RAP1GDS1: variants seen among roughly 807,000 people sequenced by gnomAD.
RAP1GDS1 encodes the protein RAP1, GTP-GDP dissociation stimulator 1.
Under a neutral mutation model 71.1 loss-of-function variants are expected in RAP1GDS1, and 35 were observed. The observed-to-expected ratio is 0.49, with a 90% CI of 0.38 to 0.65. RAP1GDS1 has a LOEUF of 0.65. Ranked by LOEUF, RAP1GDS1 falls within the 30% of genes least tolerant of loss-of-function variation. RAP1GDS1 has a pLI of 0.00. For synonymous variants in RAP1GDS1, 229 were observed against 243.1 expected, an observed-to-expected ratio of 0.94 and a Z score of 0.54; for missense variants, 663 against 706.1, an observed-to-expected ratio of 0.94 and a Z score of 0.69.
chr4:98,269,415 A>G (rs1016837576), intron 1 of RAP1GDS1, among the ~76,000 whole-genome samples: 1 of 152,154 alleles, frequency 6.6e-6, no homozygotes, highest in Non-Finnish European at 1.5e-5. Context: ...TGGTGTTGGC[A>G]ATGATTTTTT....
intron 2 of RAP1GDS1, 52 bp downstream of exon 2, chr4:98,293,567 G>A: frequency 2.2e-6 from 3 of 1,356,816 alleles, no homozygotes; most frequent in Non-Finnish European, 2.1e-6. Context: ...CAAATCAGTA[G>A]TCATTCAGAA....
intron 2 of RAP1GDS1, among the ~76,000 whole-genome samples, chr4:98,318,343 T>C (rs192885544): frequency 6.6e-6 from 1 of 152,288 alleles, no homozygotes; most frequent in Non-Finnish European, 1.5e-5. Context: ...GTATACAATG[T>C]TTTTTCCGGT....
intron 4 of RAP1GDS1, among the ~76,000 whole-genome samples, chr4:98,366,799 G>A (rs916419555): frequency 6.6e-6 from 1 of 152,122 alleles, no homozygotes; most frequent in Admixed American, 6.5e-5. Context: ...GATGATTTAA[G>A]GTATCTGGCA....
intron 2 of RAP1GDS1, among the ~76,000 whole-genome samples, chr4:98,299,470 C>G (rs1728260077): frequency 6.6e-6 from 1 of 152,020 alleles, no homozygotes; most frequent in Non-Finnish European, 1.5e-5. Flanking sequence ...TAGTTCAAAA[C>G]CAGTGGATGA....
At chr4:98,351,255 CAG>C (rs1553983944) in intron 3 of RAP1GDS1, among the ~76,000 whole-genome samples, 1 of 152,050 alleles carries the variant, frequency 6.6e-6, no homozygotes, top group East Asian at 1.9e-4. Flanking sequence ...GTTTACATTA[CAG>C]GGGATTTTTA....
At chr4:98,314,591 C>T (rs1325671520) in intron 2 of RAP1GDS1, among the ~76,000 whole-genome samples, 1 of 152,006 alleles carries the variant, frequency 6.6e-6, no homozygotes, top group Non-Finnish European at 1.5e-5. Context: ...TTCATTTATT[C>T]TGTTATAACT....
rs556945198 is a variant in RAP1GDS1 at position 98,313,068 on chromosome 4, CAAAAAAAAAAAAAA to C, written c.112+19569_112+19582del. Among the ~76,000 whole-genome samples the C allele has an allele frequency of 2.1e-4, 8 of 38,184 alleles. 1 individual carries two copies. The highest frequency in any genetic ancestry group is 4.8e-4 in the African/African-American group (6 of 12,546). The allele number at this position is 38,184 out of a possible 152,430, so 25.1% of individuals were successfully genotyped here. On this transcript the variant is annotated intron_variant, in intron 2 of 14. Transcript: ENST00000408927. Reference sequence around the variant, plus strand: ...TGGGTGACAGAGCAAGACTCTGTCTCAAAAAAAAAAAAAAAAAAAAAAAAAAAAAGAAATTGGCT... The same window carrying C: ...TGGGTGACAGAGCAAGACTCTGTCTCAAAAAAAAAAAAAAAGAAATTGGCT...
chr4:98,312,468 T>C (rs1432988097), intron 2 of RAP1GDS1, among the ~76,000 whole-genome samples: 2 of 152,196 alleles, frequency 1.3e-5, no homozygotes, highest in Non-Finnish European at 2.9e-5. Context: ...TGGTGATAAC[T>C]GTCATATTCC....
rs1346121409 is a variant in RAP1GDS1 at position 98,442,238 on chromosome 4, A to G, written c.*121A>G. Reference sequence around the variant, plus strand: ...GCATGCATGTGATGTTCTAATACCAATTGAAGAACCGCTGTAGGTACCTCC... The same window carrying G: ...GCATGCATGTGATGTTCTAATACCAGTTGAAGAACCGCTGTAGGTACCTCC... On this transcript the variant is annotated 3_prime_UTR_variant, in exon 15 of 15. Transcript: ENST00000408927. The G allele has an allele frequency of 4.4e-6, 6 of 1,349,774 alleles. No individual in the cohort carries two copies. The highest frequency in any genetic ancestry group is 2.4e-5 in the Admixed American group (1 of 42,322). 83.6% of individuals were successfully genotyped at this position (1,349,774 alleles called of 1,614,324 possible). A position where few individuals can be genotyped will look rare whatever the true frequency, so the allele number is the denominator to read the frequency against.
intron 4 of RAP1GDS1, among the ~76,000 whole-genome samples, chr4:98,361,028 G>C (rs2110441405): frequency 6.8e-6 from 1 of 147,364 alleles, no homozygotes; most frequent in South Asian, 2.1e-4. Context: ...AGTGATTTAA[G>C]ATCACAGCAC....
At chr4:98,401,993 C>T (rs546263933) in intron 6 of RAP1GDS1, among the ~76,000 whole-genome samples, 2 of 152,236 alleles carry the variant, frequency 1.3e-5, no homozygotes, top group East Asian at 1.9e-4. Context: ...TTTTTGAAAT[C>T]CATCTCACTT....
chr4:98,289,292 C>T (rs1044521088), intron 1 of RAP1GDS1, among the ~76,000 whole-genome samples: 3 of 151,950 alleles, frequency 2.0e-5, no homozygotes, highest in Non-Finnish European at 4.4e-5. Context: ...CCTCTGACTG[C>T]AGGAATACAG....
chr4:98,436,947 T>G lies in RAP1GDS1; in HGVS notation c.1575T>G (p.Ala525=). 1.2e-6 allele frequency: 2 copies of G among 1,604,674 alleles called. No homozygotes were observed. The highest frequency in any genetic ancestry group is 1.7e-6 in the Non-Finnish European group (2 of 1,177,260). The change falls in exon 14 of 15, where the codon GCT becomes GCG. Residue 525 remains alanine (A), a synonymous_variant. Coordinates refer to ENST00000408927, the MANE Select transcript of RAP1GDS1 (RefSeq NM_001100427.2). ...ACTTTGTTTTATTTGTAGGCACTGCTGAGAAAGATCTAGAAAGTGCTAAAC... is the reference window on the plus strand; with the variant it reads ...ACTTTGTTTTATTTGTAGGCACTGCGGAGAAAGATCTAGAAAGTGCTAAAC... ...ALIAALELGT[A]EKDLESAKLV...
At chr4:98,322,955 A>C (rs1015580891) in intron 2 of RAP1GDS1, among the ~76,000 whole-genome samples, 1 of 145,018 alleles carries the variant, frequency 6.9e-6, no homozygotes, top group Admixed American at 6.8e-5. Context: ...GACACAAAAA[A>C]CCCTTCAAAA....
At chr4:98,374,137 TTAGG>T (rs1740816759) in intron 4 of RAP1GDS1, among the ~76,000 whole-genome samples, 1 of 152,210 alleles carries the variant, frequency 6.6e-6, no homozygotes, top group Non-Finnish European at 1.5e-5. Flanking sequence ...TACTGTACAC[TTAGG>T]TTAGACCATT....
chr4:98,435,669 A>T (rs1751028858), intron 13 of RAP1GDS1, among the ~76,000 whole-genome samples: 1 of 152,130 alleles, frequency 6.6e-6, no homozygotes, highest in South Asian at 2.1e-4. Context: ...TTCTTTGGTG[A>T]AATGCTGATT....
intron 4 of RAP1GDS1, among the ~76,000 whole-genome samples, chr4:98,370,757 G>A (rs1376421051): frequency 6.6e-6 from 1 of 152,014 alleles, no homozygotes; most frequent in Non-Finnish European, 1.5e-5. Context: ...TTTTAGTAGA[G>A]ATGGGGTTTT....
At position 98,416,251 on chromosome 4, in the gene RAP1GDS1, G is replaced by A. The variant is rs147478208; in HGVS notation, c.764-494G>A. Among the ~76,000 whole-genome samples, 112 of 140,196 alleles carry A rather than the reference G, an allele frequency of 8.0e-4. 2 individuals carry two copies. The East Asian group carries it at 0.024, about 31-fold the overall frequency. The allele number at this position is 140,196 out of a possible 152,430, so 92.0% of individuals were successfully genotyped here. A position where few individuals can be genotyped will look rare whatever the true frequency, so the allele number is the denominator to read the frequency against. ...TGGAAATATGAAATAAAGCTTTTTT[G>A]TATATTTAAATGAACTGTCAAGATA... On this transcript the variant is annotated intron_variant, in intron 7 of 14. Transcript: ENST00000408927.
chr4:98,380,830 C>T (rs1041743467), intron 5 of RAP1GDS1, among the ~76,000 whole-genome samples: 2 of 151,520 alleles, frequency 1.3e-5, no homozygotes, highest in African/African-American at 2.4e-5. Flanking sequence ...GAAGTTATTC[C>T]AGTTTTGGAA....
Sources: gnomAD v4.1 joint callset for allele counts (sites outside exome capture counted in the v4.1 genomes callset) on GRCh38, gnomAD v4.1.1 for gene constraint, MANE v1.5 for transcripts, NCBI Gene and HGNC (gene_info 2026-07-23, HGNC 2026-07-21) for gene names.